Variants in SH3BGRL2 observed in about 807,000 individuals in gnomAD.
SH3BGRL2 encodes SH3 domain binding glutamate rich protein like 2.
SH3BGRL2 carries 21 observed loss-of-function variants against 14.8 expected under a neutral mutation model. The ratio of observed to expected loss-of-function variants is 1.42; its 90% CI spans 1.01 to 2.05. The LOEUF (loss-of-function observed/expected upper bound fraction) is 2.05. Ranked by LOEUF, SH3BGRL2 falls within the 30% of genes most tolerant of loss-of-function variation. SH3BGRL2 has a pLI of 0.00. For synonymous variants in SH3BGRL2, 50 were observed against 47.8 expected (o/e 1.05, Z -0.19); for missense variants, 147 against 130.8 (o/e 1.12, Z -0.61).
At chr6:79,647,009 A>G (rs1769157722) in intron 1 of SH3BGRL2, among the ~76,000 whole-genome samples, 1 of 152,184 alleles carries the variant, frequency 6.6e-6, no homozygotes, top group South Asian at 2.1e-4. Flanking sequence ...GTTTGCGTAT[A>G]AGTTTTCGTA....
At chr6:79,559,535 C>T in the SH3BGRL2 span, among the ~76,000 whole-genome samples, 19,582 of 152,102 alleles carry the variant, frequency 0.13, 1,417 homozygotes, top group African/African-American at 0.17. Context: ...AATGTTCCTC[C>T]AAGAATAGAG....
chr6:79,650,607 A>T (rs2812714), intron 1 of SH3BGRL2, among the ~76,000 whole-genome samples: 15,812 of 152,110 alleles, frequency 0.1, 1,293 homozygotes, highest in East Asian at 0.42. Context: ...GAAGGGAGGA[A>T]GGTGTCAGGC....
the SH3BGRL2 span, among the ~76,000 whole-genome samples, chr6:79,601,892 G>A: frequency 6.6e-6 from 1 of 151,826 alleles, no homozygotes; most frequent in African/African-American, 2.4e-5. Flanking sequence ...AAAAAAATAT[G>A]CAACTACAAT....
the SH3BGRL2 span, among the ~76,000 whole-genome samples, chr6:79,602,151 G>A: frequency 7.2e-5 from 11 of 152,294 alleles, no homozygotes; most frequent in Admixed American, 1.3e-4. Flanking sequence ...TTTTTAAAAT[G>A]CTTACAATGA....
At chr6:79,579,504 TAAAG>T in the SH3BGRL2 span, among the ~76,000 whole-genome samples, 1 of 152,160 alleles carries the variant, frequency 6.6e-6, no homozygotes, top group Non-Finnish European at 1.5e-5. Flanking sequence ...TCAACATTCT[TAAAG>T]AAAAGAATTT....
the SH3BGRL2 span, among the ~76,000 whole-genome samples, chr6:79,598,402 G>A: frequency 4.3e-4 from 65 of 152,258 alleles, no homozygotes; most frequent in African/African-American, 1.3e-3. Context: ...AGGCATATCC[G>A]TACAATGGAA....
the SH3BGRL2 span, among the ~76,000 whole-genome samples, chr6:79,593,190 T>C: frequency 6.6e-6 from 1 of 152,206 alleles, no homozygotes; most frequent in East Asian, 1.9e-4. Context: ...TATACCTTCA[T>C]TGAAGGCAGT....
At chr6:79,691,953 C>T (rs1180814039) in intron 2 of SH3BGRL2, among the ~76,000 whole-genome samples, 1 of 151,892 alleles carries the variant, frequency 6.6e-6, no homozygotes, top group Admixed American at 6.6e-5. Context: ...AATGGTTGAA[C>T]TAGTTTACAG....
At chr6:79,678,849 T>C (rs1028278606) in intron 2 of SH3BGRL2, among the ~76,000 whole-genome samples, 1 of 152,214 alleles carries the variant, frequency 6.6e-6, no homozygotes, top group Admixed American at 6.5e-5. Flanking sequence ...AGCTCCCATT[T>C]ATATGTGAGA....
chr6:79,564,342 G>T, the SH3BGRL2 span, among the ~76,000 whole-genome samples: 3 of 152,176 alleles, frequency 2.0e-5, no homozygotes, highest in Non-Finnish European at 4.4e-5. Flanking sequence ...CAGAGGAAAT[G>T]TTAAGAACGT....
At chr6:79,561,688 C>G in the SH3BGRL2 span, 1 of 152,222 alleles carries the variant, frequency 6.6e-6, no homozygotes, top group Non-Finnish European at 1.5e-5. Flanking sequence ...CACTCGCATA[C>G]GCTGCCATGA....
chr6:79,630,605 C>G (rs1006345953), upstream of SH3BGRL2, among the ~76,000 whole-genome samples: 4 of 152,024 alleles, frequency 2.6e-5, no homozygotes, highest in Admixed American at 1.3e-4. Flanking sequence ...GAGGCGAAGC[C>G]ATTGTGTAGG....
chr6:79,598,848 C>T, the SH3BGRL2 span, among the ~76,000 whole-genome samples: 26,533 of 151,512 alleles, frequency 0.18, 2,422 homozygotes, highest in South Asian at 0.23. Context: ...TTTGGGAGGC[C>T]GAGGTGGGCG....
chr6:79,614,761 T>C, the SH3BGRL2 span, among the ~76,000 whole-genome samples: 8 of 151,724 alleles, frequency 5.3e-5, no homozygotes, highest in Non-Finnish European at 1.0e-4. Context: ...TGGGAAAAGG[T>C]ATATGTTTTG....
the SH3BGRL2 span, among the ~76,000 whole-genome samples, chr6:79,555,362 A>G: frequency 1.3e-5 from 2 of 152,060 alleles, no homozygotes; most frequent in Non-Finnish European, 2.9e-5. Flanking sequence ...AGGCAGGAAA[A>G]TTGCTTGAAC....
intron 2 of SH3BGRL2, among the ~76,000 whole-genome samples, chr6:79,695,537 C>T (rs1381322881): frequency 2.0e-5 from 3 of 152,186 alleles, no homozygotes; most frequent in Non-Finnish European, 2.9e-5. Flanking sequence ...GGGCAGGATG[C>T]ACCCTAGAGT....
chr6:79,643,120 T>G (rs1159472388), intron 1 of SH3BGRL2, among the ~76,000 whole-genome samples: 1 of 152,188 alleles, frequency 6.6e-6, no homozygotes, highest in African/African-American at 2.4e-5. Context: ...CATTTCATCT[T>G]TACAATTGTC....
chr6:79,590,453 A>G, the SH3BGRL2 span, among the ~76,000 whole-genome samples: 1 of 119,888 alleles, frequency 8.3e-6, no homozygotes, highest in African/African-American at 2.9e-5. Flanking sequence ...ATATATATAT[A>G]TATATATATA....
chr6:79,680,828 T>A (rs1009182292), intron 2 of SH3BGRL2, among the ~76,000 whole-genome samples: 2 of 152,242 alleles, frequency 1.3e-5, no homozygotes, highest in Non-Finnish European at 2.9e-5. Context: ...GATGCTGTTG[T>A]AAATAAAATT....
Sources: gnomAD v4.1 joint callset for allele counts (sites outside exome capture counted in the v4.1 genomes callset) on GRCh38, gnomAD v4.1.1 for gene constraint, MANE v1.5 for transcripts, NCBI Gene and HGNC (gene_info 2026-07-23, HGNC 2026-07-21) for gene names.